Variants in PRKDC observed in about 807,000 individuals in gnomAD.
PRKDC encodes protein kinase, DNA-activated, catalytic subunit, also known as DNA-dependent protein kinase catalytic subunit.
PRKDC carries 82 observed loss-of-function variants against 486.9 expected under a neutral mutation model. That is an observed-to-expected ratio of 0.17 (90% CI 0.14 to 0.20). The LOEUF is 0.20. Among genes scored for constraint, PRKDC ranks in the 10% least tolerant of loss-of-function variants. PRKDC has a pLI of 1.00. For synonymous variants in PRKDC, 1,895 were observed against 1,837.0 expected (o/e 1.03, Z -0.81); for missense variants, 4,504 against 5,038.2 (o/e 0.89, Z 3.21).
Position 47,830,701 on chromosome 8 carries a change from GGCA to G in PRKDC, c.8298_8300del (p.Ala2767del). On this transcript the variant is annotated inframe_deletion, in exon 61 of 86. Coordinates refer to ENST00000314191, the MANE Select transcript of PRKDC (RefSeq NM_006904.7). ...GGTAGCTTCTGTACAGAACGACCTG[GGCA>G]TCCTGCTTCATTTTTAACTCACTCT... The G allele has an allele frequency of 6.2e-7, 1 of 1,613,824 alleles. No homozygotes were observed. Among genetic ancestry groups the G allele is most frequent in the Non-Finnish European group, 8.5e-7 (1 of 1,179,884 alleles).
intron 66 of PRKDC, among the ~76,000 whole-genome samples, chr8:47,820,248 A>G (rs1272192543): frequency 6.6e-6 from 1 of 152,122 alleles, no homozygotes; most frequent in Non-Finnish European, 1.5e-5. Context: ...CCTCGTCTCT[A>G]CTAAAAATAC....
rs1209767774 is a variant in PRKDC at position 47,807,180 on chromosome 8, T to C, written c.9704A>G (p.Lys3235Arg). 13 of 1,613,904 alleles carry C rather than the reference T, an allele frequency of 8.1e-6. No homozygotes were observed. The highest frequency in any genetic ancestry group is 1.0e-5 in the Non-Finnish European group (12 of 1,179,836). The change falls in exon 69 of 86, where the codon AAG (lysine) becomes AGG (arginine). Residue 3235 changes from lysine to arginine, a missense_variant. Lys to Arg is a conservative substitution (Grantham distance 26, BLOSUM62 2). Transcript: ENST00000314191. The part of the protein sequence containing the change: ...EDISSLIRSC[K>R]FSMKMKMIDS... Reference sequence around the variant, plus strand: ...TATCATCTTCATTTTCATGGAAAACTTGCAACTCCTGATCAGGGAGCTGAT... The same window carrying C: ...TATCATCTTCATTTTCATGGAAAACCTGCAACTCCTGATCAGGGAGCTGAT...
At chr8:47,776,144 T>C (rs1343945937) in intron 85 of PRKDC, among the ~76,000 whole-genome samples, 3 of 152,200 alleles carry the variant, frequency 2.0e-5, no homozygotes, top group Non-Finnish European at 2.9e-5. Flanking sequence ...AAGTGTTTTA[T>C]AGTTTTGACT....
chr8:47,954,860 C>T (rs2090676737), intron 4 of PRKDC, among the ~76,000 whole-genome samples: 1 of 152,180 alleles, frequency 6.6e-6, no homozygotes, highest in African/African-American at 2.4e-5. Context: ...TTAACTGCAA[C>T]GTATCAACTG....
At chr8:47,899,495 T>C (rs968702640) in intron 28 of PRKDC, among the ~76,000 whole-genome samples, 1 of 152,010 alleles carries the variant, frequency 6.6e-6, no homozygotes, top group Non-Finnish European at 1.5e-5. Flanking sequence ...ATACAAAAAT[T>C]AGCCAGGCGT....
At chr8:47,946,459 C>A (rs1267112254) in intron 7 of PRKDC, among the ~76,000 whole-genome samples, 1 of 152,154 alleles carries the variant, frequency 6.6e-6, no homozygotes, top group East Asian at 1.9e-4. Flanking sequence ...GGTCCCATTT[C>A]TCCAATGTTC....
intron 69 of PRKDC, 39 bp downstream of exon 69, chr8:47,807,098 T>C (rs1237334393): frequency 6.4e-7 from 1 of 1,573,676 alleles, no homozygotes; most frequent in Non-Finnish European, 8.6e-7. Context: ...TTTAGCAAAA[T>C]CCTGTGACAC....
chr8:47,882,038 T>C lies in PRKDC; in HGVS notation c.4836A>G (p.Lys1612=). The C allele has an allele frequency of 6.2e-7, 1 of 1,614,038 alleles. No individual in the cohort carries two copies. The highest frequency in any genetic ancestry group is 8.5e-7 in the Non-Finnish European group (1 of 1,179,882). Residue 1612 remains lysine (K), a synonymous_variant, in exon 37 of 86, where the codon AAA becomes AAG. Transcript: ENST00000314191. ...TAGTCGCAAGTTTCAGTCCTTGGTG[T>C]TTCTGGTTTGCTCGCTCCCTGAAGC... ...DQSFRERANQ[K]HQGLKLATTI... is the part of the protein sequence containing the mutation.
intron 21 of PRKDC, among the ~76,000 whole-genome samples, chr8:47,921,799 T>C (rs1486875599): frequency 1.3e-5 from 2 of 152,224 alleles, no homozygotes; most frequent in African/African-American, 2.4e-5. Context: ...TGATTTTCTT[T>C]TTGAGACAGA....
chr8:47,861,190 C>T (rs1252541525), intron 44 of PRKDC, among the ~76,000 whole-genome samples: 4 of 152,230 alleles, frequency 2.6e-5, no homozygotes, highest in Non-Finnish European at 5.9e-5. Context: ...AGGCACTTAA[C>T]CTCCATCTCA....
At chr8:47,945,573 T>C (rs2090519688) in intron 7 of PRKDC, among the ~76,000 whole-genome samples, 1 of 152,238 alleles carries the variant, frequency 6.6e-6, no homozygotes, top group Admixed American at 6.5e-5. Context: ...GCAGCATGTG[T>C]CAGACTTTCC....
rs2086748817 is a variant in PRKDC, at chr8:47,784,109, T to C, written c.11108-300A>G. The C allele has an allele frequency of 1.2e-5, 3 of 259,414 alleles. No homozygotes were observed. The South Asian group carries it at 1.6e-4, about 13-fold the overall frequency. 16.1% of individuals were successfully genotyped at this position (259,414 alleles called of 1,614,324 possible). A position where few individuals can be genotyped will look rare whatever the true frequency, so the allele number is the denominator to read the frequency against. On this transcript the variant is annotated intron_variant, in intron 77 of 85. Transcript: ENST00000314191. ...CCGTCTCTACTAAAAATACAAAAAA[T>C]TGGCCGGGTGTGGTGGTGGGCGCCT... is the stretch of plus-strand genomic sequence containing the variant.
intron 64 of PRKDC, 52 bp from the exon 65 acceptor site, chr8:47,821,844 A>G (rs908157388): frequency 3.6e-6 from 5 of 1,407,022 alleles, no homozygotes; most frequent in Middle Eastern, 1.8e-4. Flanking sequence ...AAGAATACCA[A>G]TGAGAACACG....
At chr8:47,939,968 A>AAAC (rs2154503976) in intron 10 of PRKDC, 1 of 231,346 alleles carries the variant, frequency 4.3e-6, no homozygotes, top group East Asian at 8.2e-5. Context: ...AAAAAAAAAA[A>AAAC]AACCAAAAAC....
At chr8:47,780,045 G>A (rs2086672811) in intron 80 of PRKDC, among the ~76,000 whole-genome samples, 1 of 150,976 alleles carries the variant, frequency 6.6e-6, no homozygotes, top group Admixed American at 6.6e-5. Flanking sequence ...CTCCTAAGTG[G>A]CTGGGATTAC....
chr8:47,956,411 C>G (rs1311487923), intron 3 of PRKDC, among the ~76,000 whole-genome samples: 1 of 151,158 alleles, frequency 6.6e-6, no homozygotes, highest in Non-Finnish European at 1.5e-5. Context: ...TGCCTGTAAT[C>G]CCTTTGAGGA....
At chr8:47,948,181 G>C (rs374279238) in intron 7 of PRKDC, among the ~76,000 whole-genome samples, 1 of 151,750 alleles carries the variant, frequency 6.6e-6, no homozygotes, top group Non-Finnish European at 1.5e-5. Flanking sequence ...GTCTTGCTCT[G>C]TTGCCAGGCT....
chr8:47,842,012 A>G (rs1041859544), intron 54 of PRKDC, among the ~76,000 whole-genome samples: 30 of 152,256 alleles, frequency 2.0e-4, no homozygotes, highest in Admixed American at 1.7e-3. Context: ...TTGACCTACT[A>G]TACCAACAGA....
chr8:47,807,409 CT>C, intron 68 of PRKDC, 83 bp from the exon 69 acceptor site: 1 of 1,218,652 alleles, frequency 8.2e-7, no homozygotes, highest in Non-Finnish European at 1.1e-6. Flanking sequence ...AATTCTAAAC[CT>C]TAGTAAATGT....
Sources: gnomAD v4.1 joint callset for allele counts (sites outside exome capture counted in the v4.1 genomes callset) on GRCh38, gnomAD v4.1.1 for gene constraint, MANE v1.5 for transcripts, NCBI Gene and HGNC (gene_info 2026-07-23, HGNC 2026-07-21) for gene names.